The following NUP205 variants were observed in gnomAD, a reference collection of about 807,000 sequenced individuals.
NUP205 encodes nucleoporin 205.
NUP205 carries 76 observed loss-of-function variants against 253.8 expected under a neutral mutation model. The ratio of observed to expected loss-of-function variants is 0.30; its 90% CI spans 0.25 to 0.36. NUP205 has a LOEUF of 0.36. Ranked by LOEUF, NUP205 falls within the 10% of genes least tolerant of loss-of-function variation. The pLI is 1.00. For missense variants in NUP205, 2,162 were observed against 2,425.5 expected (o/e 0.89, Z 2.28); for synonymous variants, 832 against 850.1 (o/e 0.98, Z 0.37).
Position 135,618,518 on chromosome 7 carries a change from T to C in NUP205, c.3878T>C (p.Ile1293Thr). 4 of 1,614,118 alleles carry C rather than the reference T, an allele frequency of 2.5e-6. No homozygotes were observed. Among genetic ancestry groups the C allele is most frequent in the Non-Finnish European group, 3.4e-6 (4 of 1,180,012 alleles). ...LESWRQLVEIILTACPQDLIQ... is the reference protein window; with the variant it reads ...LESWRQLVEITLTACPQDLIQ... The stretch of plus-strand genomic sequence containing the variant: ...TCGTGGAGGCAACTAGTAGAAATTA[T>C]ACTGACAGCTTGTCCCCAGGACCTC... Residue 1293 changes from isoleucine to threonine, a missense_variant, in exon 28 of 43, where the codon ATA becomes ACA. This residue lies in a region of NUP205 where 1,144 missense variants were observed against 1,280.9 expected (regional missense o/e 0.89). Transcript: ENST00000285968.
At chr7:135,575,034 T>A (rs754202056) in intron 3 of NUP205, among the ~76,000 whole-genome samples, 11 of 152,236 alleles carry the variant, frequency 7.2e-5, no homozygotes, top group Non-Finnish European at 1.5e-4. Flanking sequence ...ATTTCTTCTA[T>A]ACCTACCATG....
At chr7:135,621,861 G>A (rs74533892) in intron 30 of NUP205, among the ~76,000 whole-genome samples, 22,311 of 151,846 alleles carry the variant, frequency 0.15, 1,728 homozygotes, top group East Asian at 0.18. Context: ...GGAGTACAGC[G>A]GTGCGATCTC....
intron 2 of NUP205, 152 bp downstream of exon 2, chr7:135,571,399 C>A (rs1357511147): frequency 5.6e-6 from 2 of 359,928 alleles, no homozygotes; most frequent in Non-Finnish European, 9.4e-6. Flanking sequence ...ATGACATGTA[C>A]CCCTAAACGC....
intron 28 of NUP205, 139 bp downstream of exon 28, chr7:135,618,742 G>T (rs751377973): frequency 1.5e-5 from 10 of 681,756 alleles, no homozygotes; most frequent in Non-Finnish European, 2.4e-5. Flanking sequence ...GACTTTCCTT[G>T]AGAAAGGGAT....
chr7:135,632,319 C>G (rs1158515453), intron 35 of NUP205, among the ~76,000 whole-genome samples: 2 of 152,200 alleles, frequency 1.3e-5, no homozygotes, highest in East Asian at 1.9e-4. Flanking sequence ...CTGTCATTAT[C>G]CACATTTTAC....
intron 1 of NUP205, among the ~76,000 whole-genome samples, chr7:135,566,382 C>A (rs552277726): frequency 2.7e-4 from 41 of 152,232 alleles, no homozygotes; most frequent in African/African-American, 9.9e-4. Flanking sequence ...TGAGCCACCA[C>A]CCCTGTCTGC....
At chr7:135,558,417 C>T (rs555518245) in intron 1 of NUP205, among the ~76,000 whole-genome samples, 3 of 152,132 alleles carry the variant, frequency 2.0e-5, no homozygotes, top group African/African-American at 4.8e-5. Flanking sequence ...TTGCAGGCAG[C>T]GAATACTCCC....
At chr7:135,591,054 C>A (rs1048928086) in intron 10 of NUP205, among the ~76,000 whole-genome samples, 2 of 152,128 alleles carry the variant, frequency 1.3e-5, no homozygotes, top group African/African-American at 4.8e-5. Context: ...AAGTTACCAT[C>A]AAAAATGATT....
At chr7:135,646,563 AAATG>A (rs1795014849) in intron 42 of NUP205, among the ~76,000 whole-genome samples, 1 of 152,188 alleles carries the variant, frequency 6.6e-6, no homozygotes, top group Non-Finnish European at 1.5e-5. Flanking sequence ...TGTCTCCAAT[AAATG>A]AATGAAAGAG....
Position 135,587,981 on chromosome 7 carries a change from C to T in NUP205, c.1462C>T (p.Pro488Ser). 1 of 1,612,634 alleles carries T rather than the reference C, an allele frequency of 6.2e-7. No homozygotes were observed. The highest frequency in any genetic ancestry group is 8.5e-7 in the Non-Finnish European group (1 of 1,179,616). The change falls in exon 10 of 43, where the codon CCT becomes TCT. Residue 488 changes from proline to serine, a missense_variant. Coordinates refer to ENST00000285968, the MANE Select transcript of NUP205 (RefSeq NM_015135.3). ...SYLGVAHQRP[P>S]QRQVVLSKFV... ...TCTAGGGGTGGCTCATCAGCGGCCC[C>T]CTCAACGCCAGGTGAGTCTTTAGGT...
At chr7:135,569,549 A>G (rs570840020) in intron 1 of NUP205, among the ~76,000 whole-genome samples, 1 of 151,736 alleles carries the variant, frequency 6.6e-6, no homozygotes, top group Non-Finnish European at 1.5e-5. Context: ...GACATTATCT[A>G]GTGTGACCTC....
chr7:135,575,079 A>T (rs1296587910), intron 3 of NUP205, among the ~76,000 whole-genome samples: 1 of 152,226 alleles, frequency 6.6e-6, no homozygotes, highest in Non-Finnish European at 1.5e-5. Flanking sequence ...CACTCCAGTG[A>T]TATAAAGATG....
At chr7:135,608,743 T>C (rs1794144321) in intron 22 of NUP205, among the ~76,000 whole-genome samples, 1 of 152,010 alleles carries the variant, frequency 6.6e-6, no homozygotes, top group Admixed American at 6.6e-5. Flanking sequence ...TAAACTATAA[T>C]GATAATTTAT....
At chr7:135,570,050 T>A (rs538128755) in intron 1 of NUP205, among the ~76,000 whole-genome samples, 1 of 88,918 alleles carries the variant, frequency 1.1e-5, no homozygotes, top group Non-Finnish European at 2.4e-5. Context: ...TATATATATA[T>A]ATAGAGAGAG....
rs1228409986 is a variant in NUP205, at chr7:135,619,862, C to A, written c.4304C>A (p.Pro1435His). The A allele has an allele frequency of 2.5e-6, 4 of 1,612,746 alleles. No individual in the cohort carries two copies. In the South Asian group the frequency reaches 4.4e-5, roughly 18 times the overall value. Residue 1435 changes from proline (P) to histidine (H), a missense_variant, in exon 30 of 43, where the codon CCT becomes CAT. By Grantham distance (77) the Pro-to-His change is moderately conservative. Coordinates refer to ENST00000285968, the MANE Select transcript of NUP205 (RefSeq NM_015135.3). ...LLYYLQIAQR[P>H]DEPDTLEAAK... is the part of the protein sequence containing the mutation. ...TATTACTTACAGATTGCCCAGAGAC[C>A]TGATGAACCAGACACCTTAGAAGCA...
chr7:135,574,444 G>T (rs997508741), intron 3 of NUP205, among the ~76,000 whole-genome samples: 1 of 152,156 alleles, frequency 6.6e-6, no homozygotes, highest in African/African-American at 2.4e-5. Context: ...CTAAGATGGT[G>T]TCATTTGCCT....
chr7:135,595,631 G>A (rs1793815147), intron 13 of NUP205, among the ~76,000 whole-genome samples: 1 of 152,110 alleles, frequency 6.6e-6, no homozygotes, highest in Admixed American at 6.6e-5. Context: ...GTGACAGTTG[G>A]ATTTTTTGAC....
At chr7:135,595,714 A>G (rs1364619326) in intron 13 of NUP205, among the ~76,000 whole-genome samples, 1 of 152,174 alleles carries the variant, frequency 6.6e-6, no homozygotes, top group African/African-American at 2.4e-5. Context: ...TGAAGTCTCA[A>G]TAACTTCAAA....
intron 39 of NUP205, among the ~76,000 whole-genome samples, chr7:135,644,078 G>T (rs1200691566): frequency 6.6e-6 from 1 of 152,198 alleles, no homozygotes; most frequent in Non-Finnish European, 1.5e-5. Flanking sequence ...CATTTATTGA[G>T]TGTCTACAAC....
Sources: allele counts gnomAD v4.1 joint callset (sites outside exome capture counted in the v4.1 genomes callset), GRCh38; gene constraint gnomAD v4.1.1; regional missense constraint gnomAD v4.1.1; transcripts MANE v1.5; gene names NCBI Gene and HGNC (gene_info 2026-07-23, HGNC 2026-07-21).